NRG1: variants seen among roughly 807,000 people sequenced by gnomAD.
The protein encoded by NRG1 is pro-neuregulin-1, membrane-bound isoform.
NRG1 carries 18 observed loss-of-function variants against 63.8 expected under a neutral mutation model. The ratio of observed to expected loss-of-function variants is 0.28; its 90% CI spans 0.19 to 0.42. NRG1 has a LOEUF of 0.42. Ranked by LOEUF, NRG1 falls within the 10% of genes least tolerant of loss-of-function variation. The pLI, the probability that NRG1 is intolerant of heterozygous loss-of-function variation, is 1.00. For missense variants in NRG1, 762 were observed against 814.7 expected, an observed-to-expected ratio of 0.94 and a Z score of 0.79; for synonymous variants, 302 against 301.3, an observed-to-expected ratio of 1.00 and a Z score of -0.02.
At chr8:32,595,447 C>T (rs137981992) in intron 1 of NRG1, among the ~76,000 whole-genome samples, 9 of 152,240 alleles carry the variant, frequency 5.9e-5, no homozygotes, top group East Asian at 3.9e-4. Context: ...CCTCAGCCTC[C>T]GTAAGTTGGG....
Position 32,538,212 on chromosome 8 carries a change from G to T in NRG1, c.38-57616G>T, listed in dbSNP as rs139643082. ...GGCAGAGATTGGGGGATGGCGGAGGGAGCTACTGAGTGACAGGCACCCTCT... is the reference window on the plus strand; with the variant it reads ...GGCAGAGATTGGGGGATGGCGGAGGTAGCTACTGAGTGACAGGCACCCTCT... On this transcript the variant is annotated intron_variant, in intron 1 of 10. Coordinates refer to the NRG1 transcript ENST00000519301. 6.6e-3 allele frequency among the ~76,000 whole-genome samples: 1,003 copies of T among 152,164 alleles called. 6 individuals are homozygous for T. Among genetic ancestry groups the T allele is most frequent in the African/African-American group, 0.022 (921 of 41,502 alleles).
intron 1 of NRG1, among the ~76,000 whole-genome samples, chr8:31,681,525 C>A (rs1311954634): frequency 6.6e-6 from 1 of 151,916 alleles, no homozygotes; most frequent in Non-Finnish European, 1.5e-5. Flanking sequence ...ATAGCAAGAG[C>A]TGCAGAGGTA....
intron 1 of NRG1, among the ~76,000 whole-genome samples, chr8:31,704,991 T>C (rs1222420490): frequency 6.6e-6 from 1 of 152,124 alleles, no homozygotes; most frequent in Admixed American, 6.5e-5. Flanking sequence ...TCTACACACA[T>C]TACACAGAAC....
chr8:32,617,150 G>A (rs1037367322), intron 5 of NRG1, among the ~76,000 whole-genome samples: 1 of 152,038 alleles, frequency 6.6e-6, no homozygotes. Context: ...TTTGAATATT[G>A]AAAAATAATT....
At chr8:32,557,090 C>G (rs1035706319) in intron 1 of NRG1, among the ~76,000 whole-genome samples, 8 of 152,124 alleles carry the variant, frequency 5.3e-5, no homozygotes, top group Middle Eastern at 3.4e-3. Flanking sequence ...ACTGCAAGCT[C>G]CCCCCACTGG....
intron 1 of NRG1, among the ~76,000 whole-genome samples, chr8:32,166,891 C>T (rs1313193085): frequency 6.6e-6 from 1 of 152,124 alleles, no homozygotes; most frequent in East Asian, 1.9e-4. Context: ...ACCAAAAGAA[C>T]AATTCATGGA....
chr8:32,772,895 A>G (rs1831900658), downstream of NRG1, among the ~76,000 whole-genome samples: 1 of 152,094 alleles, frequency 6.6e-6, no homozygotes, highest in South Asian at 2.1e-4. Flanking sequence ...TCCAACAACG[A>G]GATGATTCTG....
intron 1 of NRG1, among the ~76,000 whole-genome samples, chr8:31,731,558 G>GT (rs1814073803): frequency 6.6e-6 from 1 of 151,856 alleles, no homozygotes; most frequent in African/African-American, 2.4e-5. Flanking sequence ...GGATGTCTCT[G>GT]TTTTTTGAAA....
intron 1 of NRG1, among the ~76,000 whole-genome samples, chr8:32,580,030 G>C (rs371932310): frequency 2.0e-5 from 3 of 152,196 alleles, no homozygotes; most frequent in South Asian, 2.1e-4. Flanking sequence ...CGTTAGATTG[G>C]GTGAACCTGG....
intron 1 of NRG1, among the ~76,000 whole-genome samples, chr8:32,030,003 A>G (rs1005838629): frequency 1.3e-5 from 2 of 152,190 alleles, no homozygotes; most frequent in Non-Finnish European, 2.9e-5. Context: ...CATTATAACT[A>G]TTAAACTATT....
chr8:32,743,595 T>TATATATAA (rs1439936922), intron 7 of NRG1, among the ~76,000 whole-genome samples: 5 of 141,794 alleles, frequency 3.5e-5, no homozygotes, highest in African/African-American at 1.3e-4. Flanking sequence ...TATATATATA[T>TATATATAA]AAAACTTAAT....
intron 1 of NRG1, among the ~76,000 whole-genome samples, chr8:31,709,185 TA>T (rs1394630459): frequency 6.7e-6 from 1 of 148,670 alleles, no homozygotes; most frequent in Admixed American, 6.9e-5. Flanking sequence ...TCAAATGATT[TA>T]TTTTTTTTTA....
At chr8:32,553,306 A>G (rs2129524881) in intron 1 of NRG1, among the ~76,000 whole-genome samples, 1 of 152,316 alleles carries the variant, frequency 6.6e-6, no homozygotes, top group Middle Eastern at 3.4e-3. Context: ...CTGTCTTTAT[A>G]AAACTACTTA....
intron 1 of NRG1, among the ~76,000 whole-genome samples, chr8:32,554,354 A>G (rs963569625): frequency 6.6e-6 from 1 of 152,198 alleles, no homozygotes; most frequent in Non-Finnish European, 1.5e-5. Context: ...CAAAATACCA[A>G]TAGATGTCAG....
intron 1 of NRG1, among the ~76,000 whole-genome samples, chr8:31,697,182 A>G (rs760234933): frequency 1.3e-5 from 2 of 152,200 alleles, no homozygotes; most frequent in Non-Finnish European, 2.9e-5. Flanking sequence ...AGGTGTATAT[A>G]TCACTTTACT....
At chr8:32,389,881 C>T (rs957627836) in intron 1 of NRG1, among the ~76,000 whole-genome samples, 6 of 151,996 alleles carry the variant, frequency 3.9e-5, no homozygotes, top group African/African-American at 1.4e-4. Flanking sequence ...GTTCCTCAGC[C>T]TTCCAATAAC....
intron 1 of NRG1, among the ~76,000 whole-genome samples, chr8:32,551,175 A>G (rs144847032): frequency 6.9e-4 from 105 of 152,278 alleles, no homozygotes; most frequent in Admixed American, 3.1e-3. Context: ...TTGTGAGAAA[A>G]ACCCACACTC....
intron 1 of NRG1, among the ~76,000 whole-genome samples, chr8:31,721,345 G>T (rs1458217957): frequency 6.6e-6 from 1 of 152,160 alleles, no homozygotes; most frequent in Non-Finnish European, 1.5e-5. Flanking sequence ...CAGTAAAGTT[G>T]TATTAATGTT....
In NRG1 at chr8:32,763,859, G is replaced by A. The variant is rs145358541; in HGVS notation, c.1371G>A (p.Thr457=). Residue 457 remains threonine, a synonymous_variant, in exon 12 of 12, where the codon ACG becomes ACA. Coordinates refer to ENST00000356819, the Ensembl canonical transcript of NRG1. ...TGTCTCCACCCGTGTCCAGCATGAC[G>A]GTGTCCATGCCTTCCATGGCGGTCA... 2.5e-5 allele frequency: 40 copies of A among 1,613,868 alleles called. No individual in the cohort carries two copies. Among genetic ancestry groups the A allele is most frequent in the South Asian group, 5.5e-5 (5 of 91,072 alleles).
Sources: allele counts gnomAD v4.1 joint callset (sites outside exome capture counted in the v4.1 genomes callset), GRCh38; gene constraint gnomAD v4.1.1; transcripts MANE v1.5; gene names NCBI Gene and HGNC (gene_info 2026-07-23, HGNC 2026-07-21).